The following GCNA variants were observed in gnomAD, a reference collection of about 807,000 sequenced individuals.
GCNA encodes the protein germ cell nuclear acidic protein.
In GCNA, 3 loss-of-function variants were observed where a neutral mutation model predicts 38.8. The observed-to-expected ratio is 0.08, with a 90% CI of 0.04 to 0.20. The LOEUF (loss-of-function observed/expected upper bound fraction) is 0.20. Ranked by LOEUF, GCNA falls within the 10% of genes least tolerant of loss-of-function variation. The pLI is 1.00. For synonymous variants in GCNA, 195 were observed against 240.2 expected (o/e 0.81, Z 1.74); for missense variants, 446 against 578.6 (o/e 0.77, Z 2.35).
rs1406851730 is a variant in GCNA, at chrX:71,604,225, A to C, written c.948A>C (p.Glu316Asp). ...DDKSDDSDVP[E>D]DKSDDSDVPD... ...AGAGTGATGATTCGGATGTTCCCGA[A>C]GACAAGAGTGATGATTCGGATGTTC... Residue 316 changes from glutamate to aspartate, a missense_variant, in exon 8 of 13, where the codon GAA becomes GAC. Physicochemically the swap from Glu to Asp is conservative, Grantham distance 45. Coordinates refer to ENST00000373696, the MANE Select transcript of GCNA (RefSeq NM_052957.5). 1.7e-6 allele frequency: 2 copies of C among 1,211,405 alleles called. No individual in the cohort carries two copies. The highest frequency in any genetic ancestry group is 1.1e-6 in the Non-Finnish European group (1 of 895,327).
At position 71,612,930 on chromosome X, in the gene GCNA, T is replaced by C. The variant is rs1252206451; in HGVS notation, c.2024T>C (p.Val675Ala). The change falls in exon 13 of 13, where the codon GTC (valine) becomes GCC (alanine). Residue 675 changes from valine to alanine, a missense_variant. Val to Ala is a moderately conservative substitution (Grantham distance 64, BLOSUM62 0). Around this residue, in one of 7 missense-constraint regions of GCNA, gnomAD observed 34 missense variants for 33.2 expected, o/e 1.02. Transcript: ENST00000373696. ...TGTGCCAAATGCAAGGGGTCTCTGG[T>C]CATGGTGCCATTAACTCAGAAAGAT... ...FICAKCKGSL[V>A]MVPLTQKDGT... The C allele has an allele frequency of 8.3e-7, 1 of 1,209,875 alleles. No individual in the cohort carries two copies. Among genetic ancestry groups the C allele is most frequent in the Non-Finnish European group, 1.1e-6 (1 of 895,251 alleles).
rs1303480693 is a variant in GCNA at position 71,591,742 on chromosome X, C to T, written c.60-380C>T. On this transcript the variant is annotated intron_variant, in intron 2 of 12. Coordinates refer to ENST00000373696, the MANE Select transcript of GCNA (RefSeq NM_052957.5). Reference sequence around the variant, plus strand: ...GCAACCTTGAATTCCTGGGCTCAAGCGATCCTCCCCGCTCAGCCTCCCAAG... The same window carrying T: ...GCAACCTTGAATTCCTGGGCTCAAGTGATCCTCCCCGCTCAGCCTCCCAAG... Among the ~76,000 whole-genome samples, 6 of 111,927 alleles carry T rather than the reference C, an allele frequency of 5.4e-5. No homozygotes were observed. The East Asian group carries it at 8.4e-4, about 16-fold the overall frequency.
At chrX:71,580,963 C>T in intron 2 of GCNA, 83 bp downstream of exon 2, 1 of 928,891 alleles carries the variant, frequency 1.1e-6, no homozygotes, top group South Asian at 2.3e-5. Flanking sequence ...ATGTTTATTT[C>T]CTTTAGTATC....
intron 2 of GCNA, among the ~76,000 whole-genome samples, chrX:71,585,344 GGT>G (rs1284684458): frequency 1.8e-5 from 2 of 110,206 alleles, no homozygotes; most frequent in Non-Finnish European, 3.8e-5. Context: ...CAAAGCAAAA[GGT>G]CAAATTGCAG....
rs776664855 is a variant in GCNA at position 71,610,849 on chromosome X, C to A, written c.1750+30C>A. On this transcript the variant is annotated intron_variant, in intron 11 of 12. Transcript: ENST00000373696. ...TGGCAGGAGTGTGGTAGCTTCACCA[C>A]TGTGCTCTTTCCTTCTGACACCGTG... The A allele has an allele frequency of 1.4e-5, 17 of 1,206,203 alleles. No homozygotes were observed. The East Asian group carries it at 4.4e-4, about 32-fold the overall frequency.
intron 7 of GCNA, among the ~76,000 whole-genome samples, chrX:71,602,972 G>A (rs1161180092): frequency 8.9e-6 from 1 of 112,332 alleles, no homozygotes; most frequent in East Asian, 2.8e-4. Flanking sequence ...AGAGATAGGA[G>A]TCTAGATTCA....
intron 11 of GCNA, 119 bp downstream of exon 11, chrX:71,610,938 A>G: frequency 1.0e-6 from 1 of 1,004,639 alleles, no homozygotes; most frequent in South Asian, 2.3e-5. Context: ...TTGGGTGGGC[A>G]GGCATGCTGT....
At position 71,604,152 on chromosome X, in the gene GCNA, C is replaced by T. The variant is rs773686081; in HGVS notation, c.875C>T (p.Ser292Leu). 3 of 1,205,404 alleles carry T rather than the reference C, an allele frequency of 2.5e-6. No individual in the cohort carries two copies. The highest frequency in any genetic ancestry group is 3.4e-6 in the Non-Finnish European group (3 of 893,205). ...SEASDDSSDD[S>L]EASDDSSDDS... is the part of the protein sequence containing the mutation. ...GCTTCCGACGACAGCAGTGATGATT[C>T]GGAAGCTTCCGACGACAGCAGTGAT... Residue 292 changes from serine to leucine, a missense_variant, in exon 8 of 13, where the codon TCG becomes TTG. Physicochemically the swap from Ser to Leu is moderately radical, Grantham distance 145. Around this residue, in one of 7 missense-constraint regions of GCNA, gnomAD observed 28 missense variants for 77.0 expected, o/e 0.36. Transcript: ENST00000373696.
chrX:71,587,740 C>T (rs1291679401), intron 2 of GCNA, among the ~76,000 whole-genome samples: 1 of 110,442 alleles, frequency 9.1e-6, no homozygotes, highest in Non-Finnish European at 1.9e-5. Flanking sequence ...CTTCCTGGAT[C>T]AGAATTGCCT....
At position 71,593,735 on chromosome X, in the gene GCNA, C is replaced by T. The variant is rs760879668; in HGVS notation, c.141-596C>T. On this transcript the variant is annotated intron_variant, in intron 4 of 12. Transcript: ENST00000373696. Reference sequence around the variant, plus strand: ...AGTAGGCTGTCTCCAAGAAGTACACCCTTAACGGGGACCTCCTTGCCCTTT... The same window carrying T: ...AGTAGGCTGTCTCCAAGAAGTACACTCTTAACGGGGACCTCCTTGCCCTTT... 3.9e-5 allele frequency among the ~76,000 whole-genome samples: 4 copies of T among 102,264 alleles called. 1 individual carries two copies. The East Asian group carries it at 1.2e-3, about 31-fold the overall frequency. The allele number at this position is 102,264 out of a possible 115,157, so 88.8% of individuals were successfully genotyped here. A position where few individuals can be genotyped will look rare whatever the true frequency, so the allele number is the denominator to read the frequency against.
intron 1 of GCNA, 64 bp from the exon 2 acceptor site, chrX:71,580,756 G>A: frequency 1.9e-6 from 2 of 1,069,580 alleles, no homozygotes; most frequent in Non-Finnish European, 2.6e-6. Context: ...TTATAGGCGT[G>A]AGCCACTGCG....
chrX:71,597,975 T>G lies in GCNA; in HGVS notation c.247T>G (p.Ser83Ala), dbSNP rs1216466626. Residue 83 changes from serine to alanine, a missense_variant, in exon 7 of 13, where the codon TCT becomes GCT. Ser to Ala is a moderately conservative substitution (Grantham distance 99, BLOSUM62 1). This residue lies in a region of GCNA where 25 missense variants were observed against 52.8 expected (regional missense o/e 0.47). Coordinates refer to ENST00000373696, the MANE Select transcript of GCNA (RefSeq NM_052957.5). ...ASSVVVIDSDSDEECHTHEEK... is the reference protein window; with the variant it reads ...ASSVVVIDSDADEECHTHEEK... The stretch of plus-strand genomic sequence containing the variant: ...CTCCGTGGTAGTGATTGACTCTGAT[T>G]CTGATGAGGAATGTCACACCCATGA... The G allele has an allele frequency of 6.6e-6, 8 of 1,210,834 alleles. No homozygotes were observed. Among genetic ancestry groups the G allele is most frequent in the Non-Finnish European group, 8.9e-6 (8 of 894,547 alleles).
intron 6 of GCNA, among the ~76,000 whole-genome samples, chrX:71,595,657 T>C (rs1450022693): frequency 8.9e-6 from 1 of 111,964 alleles, no homozygotes; most frequent in African/African-American, 3.2e-5. Context: ...GGAGGGGTGT[T>C]TCCCAGGTGC....
At chrX:71,586,400 T>C (rs1021383792) in intron 2 of GCNA, among the ~76,000 whole-genome samples, 5 of 111,230 alleles carry the variant, frequency 4.5e-5, no homozygotes, top group Non-Finnish European at 9.4e-5. Context: ...TAATGTGTCT[T>C]AGATGAAATA....
At chrX:71,600,095 A>C (rs1256289109) in intron 7 of GCNA, among the ~76,000 whole-genome samples, 2 of 111,884 alleles carry the variant, frequency 1.8e-5, no homozygotes, top group African/African-American at 6.5e-5. Context: ...TGAGCTCCAA[A>C]CAGACTTCAA....
chrX:71,581,743 T>TA (rs1432149087), intron 2 of GCNA, among the ~76,000 whole-genome samples: 1 of 112,001 alleles, frequency 8.9e-6, no homozygotes, highest in Non-Finnish European at 1.9e-5. Context: ...ATGAAACCAT[T>TA]AAAATGTTAG....
chrX:71,610,793 T>A lies in GCNA; in HGVS notation c.1724T>A (p.Ile575Asn). Residue 575 changes from isoleucine to asparagine, a missense_variant, in exon 11 of 13, where the codon ATT becomes AAT. Transcript: ENST00000373696. Reference sequence around the variant, plus strand: ...TGGCGGCGCTTTGCCAAGATCCAGATTGGCTTGAAAGTCTGCGACTCTGCA... The same window carrying A: ...TGGCGGCGCTTTGCCAAGATCCAGAATGGCTTGAAAGTCTGCGACTCTGCA... Reference protein sequence around the residue: ...PKWRRFAKIQIGLKVCDSADR... With the variant: ...PKWRRFAKIQNGLKVCDSADR... 1 of 1,212,071 alleles carries A rather than the reference T, an allele frequency of 8.3e-7. No individual in the cohort carries two copies.
At chrX:71,588,988 G>T (rs2040604524) in intron 2 of GCNA, among the ~76,000 whole-genome samples, 2 of 105,290 alleles carry the variant, frequency 1.9e-5, no homozygotes, top group Non-Finnish European at 3.9e-5. Flanking sequence ...GGATACTCTT[G>T]AGTAGCTGGG....
chrX:71,583,518 A>G (rs145888291), intron 2 of GCNA, among the ~76,000 whole-genome samples: 2 of 110,579 alleles, frequency 1.8e-5, no homozygotes, highest in East Asian at 5.6e-4. Flanking sequence ...ACATTGGAAA[A>G]TATACGTCTT....
Sources: gnomAD v4.1 joint callset for allele counts (sites outside exome capture counted in the v4.1 genomes callset) on GRCh38, gnomAD v4.1.1 for gene constraint, gnomAD v4.1.1 regional missense constraint, MANE v1.5 for transcripts, NCBI Gene and HGNC (gene_info 2026-07-23, HGNC 2026-07-21) for gene names.